LTBP1: variants seen among roughly 807,000 people sequenced by gnomAD.
LTBP1 encodes the protein latent-transforming growth factor beta-binding protein 1.
A neutral mutation model predicts 207.6 loss-of-function variants in LTBP1; 129 were observed. The ratio of observed to expected loss-of-function variants is 0.62; its 90% CI spans 0.54 to 0.72. The LOEUF (loss-of-function observed/expected upper bound fraction) is 0.72. Ranked by LOEUF, LTBP1 falls within the 30% of genes least tolerant of loss-of-function variation. LTBP1 has a pLI of 0.00. For synonymous variants in LTBP1, 963 were observed against 833.7 expected, an observed-to-expected ratio of 1.16 and a Z score of -2.67; for missense variants, 2,281 against 2,217.2, an observed-to-expected ratio of 1.03 and a Z score of -0.58.
chr2:33,303,764 T>C (rs558451922), intron 22 of LTBP1, among the ~76,000 whole-genome samples: 19 of 152,302 alleles, frequency 1.2e-4, no homozygotes, highest in African/African-American at 3.8e-4. Flanking sequence ...TGTCAGGAGA[T>C]GGAGCTCAGG....
intron 2 of LTBP1, among the ~76,000 whole-genome samples, chr2:32,965,413 A>G (rs1679801472): frequency 1.3e-5 from 2 of 152,144 alleles, no homozygotes; most frequent in Admixed American, 1.3e-4. Context: ...ATATATAATA[A>G]CATACATCTA....
chr2:33,012,602 C>G (rs1208504308), intron 2 of LTBP1, among the ~76,000 whole-genome samples: 1 of 152,214 alleles, frequency 6.6e-6, no homozygotes, highest in East Asian at 1.9e-4. Flanking sequence ...CTATTGGACT[C>G]TGATCTACTT....
chr2:33,166,330 G>C (rs2084917712), intron 5 of LTBP1, among the ~76,000 whole-genome samples: 1 of 152,076 alleles, frequency 6.6e-6, no homozygotes, highest in Non-Finnish European at 1.5e-5. Context: ...GGAATACTAG[G>C]GAAAAGTTGC....
intron 6 of LTBP1, among the ~76,000 whole-genome samples, chr2:33,188,159 G>A (rs2087407698): frequency 1.3e-5 from 2 of 152,112 alleles, no homozygotes; most frequent in South Asian, 2.1e-4. Context: ...GGTGGCTCAC[G>A]CCTGTAATCC....
At chr2:32,984,259 A>G (rs1311629475) in intron 2 of LTBP1, among the ~76,000 whole-genome samples, 1 of 152,206 alleles carries the variant, frequency 6.6e-6, no homozygotes, top group Non-Finnish European at 1.5e-5. Context: ...TCGACTTCTG[A>G]TACTACAAGT....
intron 31 of LTBP1, among the ~76,000 whole-genome samples, chr2:33,377,183 A>C (rs1429188364): frequency 6.6e-6 from 1 of 152,156 alleles, no homozygotes; most frequent in Non-Finnish European, 1.5e-5. Flanking sequence ...GCTCTGGAGG[A>C]GTGTCCTGGA....
chr2:32,949,045 G>A, intron 2 of LTBP1, 100 bp downstream of exon 2: 1 of 1,149,586 alleles, frequency 8.7e-7, no homozygotes, highest in East Asian at 2.4e-5. Context: ...GGGCTCGGGG[G>A]AAGTTGAAGT....
intron 2 of LTBP1, among the ~76,000 whole-genome samples, chr2:32,992,251 A>G (rs1360219350): frequency 6.6e-6 from 1 of 152,218 alleles, no homozygotes; most frequent in Admixed American, 6.5e-5. Flanking sequence ...TTGATACAAC[A>G]GAGAAACCCA....
chr2:33,306,822 G>T (rs1269181039), intron 22 of LTBP1, among the ~76,000 whole-genome samples: 1 of 152,104 alleles, frequency 6.6e-6, no homozygotes, highest in Admixed American at 6.5e-5. Flanking sequence ...GGGTGCAGTG[G>T]CTCACACCTG....
intron 10 of LTBP1, among the ~76,000 whole-genome samples, chr2:33,247,405 T>C (rs1002373180): frequency 2.0e-5 from 3 of 152,264 alleles, no homozygotes. Context: ...ACAGGATTTG[T>C]GCCTCCAAAT....
At chr2:33,298,074 T>G (rs1283948001) in intron 20 of LTBP1, among the ~76,000 whole-genome samples, 1 of 152,144 alleles carries the variant, frequency 6.6e-6, no homozygotes, top group Non-Finnish European at 1.5e-5. Flanking sequence ...ATGTCGGGGG[T>G]GTGTGATATT....
chr2:33,190,629 C>T (rs943604600), intron 7 of LTBP1, among the ~76,000 whole-genome samples: 3 of 152,178 alleles, frequency 2.0e-5, no homozygotes, highest in African/African-American at 2.4e-5. Flanking sequence ...GCTCATGAGA[C>T]TTTGTTAAGA....
At chr2:33,087,360 A>C (rs1405832451) in intron 3 of LTBP1, among the ~76,000 whole-genome samples, 2 of 152,028 alleles carry the variant, frequency 1.3e-5, no homozygotes, top group Non-Finnish European at 2.9e-5. Context: ...GAGTCACTGC[A>C]CCTAGCCTCA....
rs530768326 is a variant in LTBP1 at position 33,229,602 on chromosome 2, A to T, written c.1876+7451A>T. Among the ~76,000 whole-genome samples the T allele has an allele frequency of 3.9e-5, 6 of 152,366 alleles. No homozygotes were observed. In the South Asian group the frequency reaches 1.2e-3, roughly 32 times the overall value. On this transcript the variant is annotated intron_variant, in intron 9 of 33. Transcript: ENST00000404816. Reference sequence around the variant, plus strand: ...TAATAAAAATACCACTTTAGAAGTGATAGAAGTGCAAATTTGCAAGTAATC... The same window carrying T: ...TAATAAAAATACCACTTTAGAAGTGTTAGAAGTGCAAATTTGCAAGTAATC...
At chr2:33,065,976 A>G (rs545136808) in intron 3 of LTBP1, among the ~76,000 whole-genome samples, 6 of 152,194 alleles carry the variant, frequency 3.9e-5, no homozygotes, top group Non-Finnish European at 8.8e-5. Flanking sequence ...GTTAAATAGT[A>G]GTAGTTTATG....
chr2:33,059,502 G>A (rs2149605534), intron 3 of LTBP1, among the ~76,000 whole-genome samples: 1 of 152,240 alleles, frequency 6.6e-6, no homozygotes, highest in South Asian at 2.1e-4. Context: ...CCAGTGGAAG[G>A]GCTGAGCTGA....
intron 8 of LTBP1, among the ~76,000 whole-genome samples, chr2:33,220,420 G>GA (rs1386422838): frequency 6.6e-6 from 1 of 152,128 alleles, no homozygotes; most frequent in Non-Finnish European, 1.5e-5. Flanking sequence ...GCCACATACA[G>GA]AAAGACCTTT....
chr2:33,112,816 G>C (rs533130040), intron 4 of LTBP1, among the ~76,000 whole-genome samples: 1 of 152,296 alleles, frequency 6.6e-6, no homozygotes, highest in African/African-American at 2.4e-5. Context: ...GTAGGTAAAA[G>C]AGGAGGCTCC....
intron 15 of LTBP1, among the ~76,000 whole-genome samples, chr2:33,268,625 C>A (rs528040937): frequency 6.6e-6 from 1 of 152,182 alleles, no homozygotes; most frequent in East Asian, 1.9e-4. Context: ...CATATAAATT[C>A]TTGATTTAGC....
Sources: gnomAD v4.1 joint callset for allele counts (sites outside exome capture counted in the v4.1 genomes callset) on GRCh38, gnomAD v4.1.1 for gene constraint, MANE v1.5 for transcripts, NCBI Gene and HGNC (gene_info 2026-07-23, HGNC 2026-07-21) for gene names.